The following ESR1 variants were observed in gnomAD, a reference collection of about 807,000 sequenced individuals.
The protein encoded by ESR1 is estrogen receptor.
ESR1 carries 12 observed loss-of-function variants against 52.7 expected under a neutral mutation model. The ratio of observed to expected loss-of-function variants is 0.23; its 90% CI spans 0.15 to 0.37. The LOEUF is 0.37. ESR1 is among the 10% of genes least tolerant of loss of function. The pLI is 1.00. For synonymous variants in ESR1, 305 were observed against 316.8 expected, an observed-to-expected ratio of 0.96 and a Z score of 0.39; for missense variants, 584 against 779.7, an observed-to-expected ratio of 0.75 and a Z score of 2.99.
intron 2 of ESR1, among the ~76,000 whole-genome samples, chr6:151,759,481 A>T (rs1436320241): frequency 6.6e-6 from 1 of 152,024 alleles, no homozygotes; most frequent in African/African-American, 2.4e-5. Context: ...TAACCTGCAC[A>T]TTGTGCACAT....
chr6:151,848,702 A>G lies in ESR1; in HGVS notation c.643+5915A>G, dbSNP rs146597892. 1.0e-3 allele frequency among the ~76,000 whole-genome samples: 159 copies of G among 152,194 alleles called. 1 individual carries two copies. The highest frequency in any genetic ancestry group is 3.6e-3 in the African/African-American group (151 of 41,558). Reference sequence around the variant, plus strand: ...ACTGTTTTATCTTTTCAGAGATACAATTGGGATCCTAACTCTTTGGTCTCC... The same window carrying G: ...ACTGTTTTATCTTTTCAGAGATACAGTTGGGATCCTAACTCTTTGGTCTCC... On this transcript the variant is annotated intron_variant, in intron 2 of 7. Transcript: ENST00000206249.
chr6:152,094,639 G>T lies in ESR1; in HGVS notation c.1553+71G>T. ...TGCCCCCAAACCTATGTGACAGCTG[G>T]CCGGGAAGGACTGGTGCCTGCATAT... On this transcript the variant is annotated intron_variant, in intron 7 of 7. Coordinates refer to ENST00000206249, the MANE Select transcript of ESR1 (RefSeq NM_000125.4). The surrounding 1 kb of genome is among the most constrained non-coding windows in gnomAD (Gnocchi z 4.6). 1 of 1,454,890 alleles carries T rather than the reference G, an allele frequency of 6.9e-7. No homozygotes were observed. The highest frequency in any genetic ancestry group is 1.2e-5 in the South Asian group (1 of 85,482). The allele number at this position is 1,454,890 out of a possible 1,614,324, so 90.1% of individuals were successfully genotyped here. A position where few individuals can be genotyped will look rare whatever the true frequency, so the allele number is the denominator to read the frequency against.
chr6:151,804,683 CAT>C (rs1458743009), upstream of ESR1: 2 of 152,176 alleles, frequency 1.3e-5, no homozygotes, highest in Non-Finnish European at 2.9e-5. Flanking sequence ...AAGAGCCACT[CAT>C]AAATCTCTCA....
chr6:151,788,263 A>T (rs1787207251), intron 2 of ESR1, among the ~76,000 whole-genome samples: 1 of 152,204 alleles, frequency 6.6e-6, no homozygotes, highest in East Asian at 1.9e-4. Flanking sequence ...TTTACAAGAA[A>T]AAAACAACCT....
intron 5 of ESR1, among the ~76,000 whole-genome samples, chr6:152,035,484 C>T (rs2860321): frequency 0.39 from 59,493 of 151,752 alleles, 13,837 homozygotes; most frequent in African/African-American, 0.65. Context: ...GGAAGATTCA[C>T]TATTGAAAAT....
At chr6:151,745,690 T>C (rs1182628804) in intron 2 of ESR1, among the ~76,000 whole-genome samples, 1 of 152,164 alleles carries the variant, frequency 6.6e-6, no homozygotes, top group Non-Finnish European at 1.5e-5. Context: ...TACCAGAGAC[T>C]TTTTATCATT....
At chr6:151,816,635 T>C (rs1779696849) in intron 1 of ESR1, among the ~76,000 whole-genome samples, 1 of 152,196 alleles carries the variant, frequency 6.6e-6, no homozygotes. Context: ...TACCCTATTG[T>C]GATTAGAAGT....
At chr6:151,796,283 A>G (rs189741133) in intron 2 of ESR1, among the ~76,000 whole-genome samples, 1 of 152,338 alleles carries the variant, frequency 6.6e-6, no homozygotes, top group Admixed American at 6.5e-5. Context: ...CATGGCACAA[A>G]TAAGGTGCAT....
chr6:152,002,185 AGTGTGTGTGTGTGTGTGT>A (rs10578838), intron 4 of ESR1, among the ~76,000 whole-genome samples: 22 of 141,494 alleles, frequency 1.6e-4, no homozygotes, highest in East Asian at 6.3e-4. Context: ...TTTTAAATCA[AGTGTGTGTGTGTGTGTGT>A]GTGTGTGTGT....
intron 2 of ESR1, among the ~76,000 whole-genome samples, chr6:151,874,317 A>T (rs1488665130): frequency 1.3e-5 from 2 of 152,190 alleles, no homozygotes; most frequent in Non-Finnish European, 2.9e-5. Context: ...ATTTATTTAA[A>T]AAATTATAAA....
At chr6:151,668,578 C>T (rs1032340537) in intron 1 of ESR1, among the ~76,000 whole-genome samples, 1 of 152,116 alleles carries the variant, frequency 6.6e-6, no homozygotes, top group East Asian at 1.9e-4. Flanking sequence ...CCACTGCACC[C>T]GGCCAGAAAA....
In ESR1 at chr6:152,101,490, T is replaced by C; in HGVS notation, c.*2524T>C. On this transcript the variant is annotated 3_prime_UTR_variant, in exon 8 of 8. Coordinates refer to ENST00000206249, the MANE Select transcript of ESR1 (RefSeq NM_000125.4). Reference sequence around the variant, plus strand: ...TGTGTTTCTATTCATGTTAAGATACTACTACATTTGAAGTGGGCAGAGAAC... The same window carrying C: ...TGTGTTTCTATTCATGTTAAGATACCACTACATTTGAAGTGGGCAGAGAAC... 1 of 232,630 alleles carries C rather than the reference T, an allele frequency of 4.3e-6. No individual in the cohort carries two copies. Among genetic ancestry groups the C allele is most frequent in the East Asian group, 6.1e-5 (1 of 16,410 alleles). The allele number at this position is 232,630 out of a possible 1,614,324, so 14.4% of individuals were successfully genotyped here.
intron 5 of ESR1, among the ~76,000 whole-genome samples, chr6:152,040,238 T>C: frequency 6.6e-6 from 1 of 152,184 alleles, no homozygotes; most frequent in Admixed American, 6.5e-5. Flanking sequence ...TCCATGTTGC[T>C]GAGCCCGTGC....
intron 2 of ESR1, among the ~76,000 whole-genome samples, chr6:151,764,575 T>C (rs528492487): frequency 6.5e-4 from 99 of 152,172 alleles, no homozygotes; most frequent in African/African-American, 2.4e-3. Flanking sequence ...ATGGAAGAAG[T>C]GGAACAGGAC....
intron 3 of ESR1, among the ~76,000 whole-genome samples, chr6:151,935,361 G>A (rs1252609135): frequency 6.6e-6 from 1 of 152,224 alleles, no homozygotes; most frequent in African/African-American, 2.4e-5. Context: ...GAAACCAAGA[G>A]GCAGTCAGCA....
chr6:151,897,211 C>G (rs1310344276), intron 3 of ESR1, among the ~76,000 whole-genome samples: 2 of 152,040 alleles, frequency 1.3e-5, no homozygotes, highest in Non-Finnish European at 2.9e-5. Flanking sequence ...TTCCAGGGTA[C>G]AATTTAAATC....
intron 1 of ESR1, among the ~76,000 whole-genome samples, chr6:151,658,616 T>C (rs1369406222): frequency 6.6e-6 from 1 of 152,222 alleles, no homozygotes; most frequent in African/African-American, 2.4e-5. Context: ...TTTTATTTAT[T>C]TGTTTATTTT....
intron 2 of ESR1, among the ~76,000 whole-genome samples, chr6:151,759,268 C>CAAAAAA (rs984171376): frequency 1.5e-5 from 1 of 66,416 alleles, no homozygotes; most frequent in Non-Finnish European, 3.5e-5. Flanking sequence ...GACTCTGTCT[C>CAAAAAA]AAAAAAAAAA....
rs1562423696 is a variant in ESR1 at position 151,807,771 on chromosome 6, G to C, written c.-142G>C. 2.4e-6 allele frequency: 2 copies of C among 836,366 alleles called. No homozygotes were observed. Among genetic ancestry groups the C allele is most frequent in the Non-Finnish European group, 3.9e-6 (2 of 512,588 alleles). 51.8% of individuals were successfully genotyped at this position (836,366 alleles called of 1,614,324 possible). A position where few individuals can be genotyped will look rare whatever the true frequency, so the allele number is the denominator to read the frequency against. On this transcript the variant is annotated 5_prime_UTR_variant, in exon 1 of 8. Transcript: ENST00000206249. Reference sequence around the variant, plus strand: ...ACCCGCAGGCTCCCGGGGCAGGGCCGGGGCCAGAGCTCGCGTGTCGGCGGG... The same window carrying C: ...ACCCGCAGGCTCCCGGGGCAGGGCCCGGGCCAGAGCTCGCGTGTCGGCGGG...
Sources: allele counts gnomAD v4.1 joint callset (sites outside exome capture counted in the v4.1 genomes callset), GRCh38; gene constraint gnomAD v4.1.1; non-coding constraint Gnocchi (gnomAD v3.1); transcripts MANE v1.5; gene names NCBI Gene and HGNC (gene_info 2026-07-23, HGNC 2026-07-21).